SOX6: variants seen among roughly 807,000 people sequenced by gnomAD.
The protein encoded by SOX6 is transcription factor SOX-6.
Under a neutral mutation model 97.8 loss-of-function variants are expected in SOX6, and 11 were observed. The ratio of observed to expected loss-of-function variants is 0.11; its 90% CI spans 0.07 to 0.19. The LOEUF (loss-of-function observed/expected upper bound fraction) is 0.19, where lower values mean the gene tolerates loss of function less well. SOX6 is among the 10% of genes least tolerant of loss of function. The pLI, the probability that SOX6 is intolerant of heterozygous loss-of-function variation, is 1.00. For synonymous variants in SOX6, 360 were observed against 371.4 expected, an observed-to-expected ratio of 0.97 and a Z score of 0.35; for missense variants, 810 against 1,039.5, an observed-to-expected ratio of 0.78 and a Z score of 3.04.
chr11:16,662,053 A>G (rs930563174), intron 3 of SOX6, among the ~76,000 whole-genome samples: 1 of 152,212 alleles, frequency 6.6e-6, no homozygotes, highest in African/African-American at 2.4e-5. Context: ...AAATCATCTA[A>G]AAATAAGAAA....
chr11:16,523,296 T>C (rs1237392140), intron 4 of SOX6, among the ~76,000 whole-genome samples: 1 of 152,146 alleles, frequency 6.6e-6, no homozygotes, highest in African/African-American at 2.4e-5. Context: ...CAGATCACAG[T>C]GCAATCAAAC....
In SOX6 at chr11:16,163,827, T is replaced by C. The variant is rs568319094; in HGVS notation, c.777+20059A>G. On this transcript the variant is annotated intron_variant, in intron 6 of 15. Transcript: ENST00000683767. Reference sequence around the variant, plus strand: ...CTGTGAACTGCAGTTAATCATGTGGTATGTATTTTGTCTTCTATGAAAAGT... The same window carrying C: ...CTGTGAACTGCAGTTAATCATGTGGCATGTATTTTGTCTTCTATGAAAAGT... Among the ~76,000 whole-genome samples, 15 of 152,260 alleles carry C rather than the reference T, an allele frequency of 9.9e-5. No homozygotes were observed. The South Asian group carries it at 3.1e-3, about 32-fold the overall frequency.
chr11:16,473,184 A>AT (rs1350354827), intron 1 of SOX6, among the ~76,000 whole-genome samples: 1 of 152,182 alleles, frequency 6.6e-6, no homozygotes, highest in Non-Finnish European at 1.5e-5. Flanking sequence ...TGTTTTGCAG[A>AT]TGGGGAAGAG....
chr11:16,517,192 G>A (rs1319151002), intron 4 of SOX6, among the ~76,000 whole-genome samples: 1 of 152,012 alleles, frequency 6.6e-6, no homozygotes, highest in African/African-American at 2.4e-5. Context: ...AATAATAAGA[G>A]CTATCTGTGA....
chr11:16,642,315 G>C (rs183535407), intron 3 of SOX6, among the ~76,000 whole-genome samples: 1 of 151,480 alleles, frequency 6.6e-6, no homozygotes, highest in East Asian at 1.9e-4. Flanking sequence ...GGTAACCCAG[G>C]GTAACCCAGC....
rs528733501 is a variant in SOX6, at chr11:16,382,833, A to T, written c.-4-41581T>A. ...GGGTAGTTGTACTAGTTGTACTAGT[A>T]ATGGCAGAGTCAGGATTTTAACCTA... On this transcript the variant is annotated intron_variant, in intron 1 of 15. Coordinates refer to the SOX6 transcript ENST00000396356. 2.6e-5 allele frequency among the ~76,000 whole-genome samples: 4 copies of T among 152,056 alleles called. No individual in the cohort carries two copies. In the South Asian group the frequency reaches 8.3e-4, roughly 31 times the overall value.
chr11:16,385,610 CAT>C (rs1316947472), intron 1 of SOX6, among the ~76,000 whole-genome samples: 1 of 151,904 alleles, frequency 6.6e-6, no homozygotes, highest in East Asian at 1.9e-4. Context: ...ATGTTGGGAG[CAT>C]ATTTTAATCC....
At chr11:16,470,399 A>G (rs886889277) in intron 1 of SOX6, among the ~76,000 whole-genome samples, 29 of 152,222 alleles carry the variant, frequency 1.9e-4, no homozygotes, top group African/African-American at 7.0e-4. Flanking sequence ...ATTTCTTTCC[A>G]TTTTAAAATG....
At chr11:16,498,894 G>C (rs567100243) in intron 4 of SOX6, among the ~76,000 whole-genome samples, 3 of 152,266 alleles carry the variant, frequency 2.0e-5, no homozygotes, top group African/African-American at 7.2e-5. Context: ...ACATTAGACA[G>C]ATCAACGAGA....
intron 1 of SOX6, among the ~76,000 whole-genome samples, chr11:16,362,223 T>C (rs1408136932): frequency 2.0e-5 from 3 of 152,194 alleles, no homozygotes; most frequent in Admixed American, 6.5e-5. Flanking sequence ...GGACAATGAC[T>C]AAAGCATTGG....
rs1021866357 is a variant in SOX6 at position 16,092,254 on chromosome 11, G to T, written c.1101+3742C>A. On this transcript the variant is annotated intron_variant, in intron 9 of 15. Transcript: ENST00000683767. The stretch of plus-strand genomic sequence containing the variant: ...TTTAAAAAGGCAACAAAAGTGTTTT[G>T]GGGGGGACAGGTTTGAATTAATAAG... 5.3e-5 allele frequency among the ~76,000 whole-genome samples: 8 copies of T among 151,876 alleles called. 2 individuals carry two copies. In the South Asian group the frequency reaches 1.0e-3, roughly 20 times the overall value.
At chr11:16,595,809 A>T (rs1387765332) in intron 4 of SOX6, among the ~76,000 whole-genome samples, 1 of 151,974 alleles carries the variant, frequency 6.6e-6, no homozygotes, top group East Asian at 1.9e-4. Context: ...AAAAAACAAA[A>T]ACCTAATAAA....
intron 6 of SOX6, among the ~76,000 whole-genome samples, chr11:16,116,948 C>G (rs549765434): frequency 6.6e-6 from 1 of 152,270 alleles, no homozygotes; most frequent in Admixed American, 6.5e-5. Context: ...AACCATCCCC[C>G]CTCCCCTACC....
At chr11:16,334,574 C>T (rs1236117183) in intron 2 of SOX6, among the ~76,000 whole-genome samples, 1 of 151,946 alleles carries the variant, frequency 6.6e-6, no homozygotes, top group Non-Finnish European at 1.5e-5. Context: ...ACCACAGGCA[C>T]GCACCACCAC....
intron 4 of SOX6, among the ~76,000 whole-genome samples, chr11:16,565,526 T>C (rs2133194837): frequency 6.6e-6 from 1 of 151,382 alleles, no homozygotes; most frequent in Admixed American, 6.6e-5. Context: ...AAACTCCTCA[T>C]GAATTCTTTT....
At chr11:16,260,667 T>A (rs1381276356) in intron 3 of SOX6, among the ~76,000 whole-genome samples, 1 of 152,214 alleles carries the variant, frequency 6.6e-6, no homozygotes. Flanking sequence ...ACACCTTCTA[T>A]GTGACCATTA....
chr11:16,331,602 C>T (rs1856303124), intron 2 of SOX6, among the ~76,000 whole-genome samples: 1 of 152,170 alleles, frequency 6.6e-6, no homozygotes. Flanking sequence ...TAAATAACAT[C>T]TCTAGCTCTC....
intron 4 of SOX6, among the ~76,000 whole-genome samples, chr11:16,583,171 A>G (rs1418718919): frequency 6.6e-6 from 1 of 152,088 alleles, no homozygotes. Flanking sequence ...CAACTGACAC[A>G]TAATAATTGT....
intron 1 of SOX6, 32 bp from the exon 2 acceptor site, chr11:16,341,284 G>T (rs1295694629): frequency 1.2e-6 from 2 of 1,610,114 alleles, no homozygotes; most frequent in Middle Eastern, 1.7e-4. Context: ...GATTAAAAAT[G>T]GCTGTCAATA....
Sources: allele counts gnomAD v4.1 joint callset (sites outside exome capture counted in the v4.1 genomes callset), GRCh38; gene constraint gnomAD v4.1.1; transcripts MANE v1.5; gene names NCBI Gene and HGNC (gene_info 2026-07-23, HGNC 2026-07-21).